CDC14A: variants seen among roughly 807,000 people sequenced by gnomAD.
CDC14A encodes the protein cell division cycle 14A, also known as dual specificity protein phosphatase CDC14A.
Under a neutral mutation model 74.4 loss-of-function variants are expected in CDC14A, and 53 were observed. That is an observed-to-expected ratio of 0.71 (90% CI 0.57 to 0.89). CDC14A has a LOEUF of 0.89. Among genes scored for constraint, CDC14A ranks in the 40% least tolerant of loss-of-function variants. CDC14A has a pLI of 0.00. For missense variants in CDC14A, 646 were observed against 713.7 expected (o/e 0.91, Z 1.08); for synonymous variants, 247 against 258.4 (o/e 0.96, Z 0.43).
At position 100,352,714 on chromosome 1, in the gene CDC14A, C is replaced by T. The variant is rs1171945574; in HGVS notation, c.-241C>T. The T allele has an allele frequency of 4.4e-6, 6 of 1,373,998 alleles. No individual in the cohort carries two copies. The highest frequency in any genetic ancestry group is 1.5e-5 in the African/African-American group (1 of 65,466). 85.1% of individuals were successfully genotyped at this position (1,373,998 alleles called of 1,614,324 possible). On this transcript the variant is annotated 5_prime_UTR_variant, in exon 1 of 16. Transcript: ENST00000336454. ...GCAGCCGAGTCCAAATAGGAGCGGC[C>T]ACAGCCAGGGGCGTGAGCGCCCCGC...
chr1:100,420,783 C>T (rs1427023669), intron 4 of CDC14A, among the ~76,000 whole-genome samples: 2 of 152,052 alleles, frequency 1.3e-5, no homozygotes, highest in Non-Finnish European at 2.9e-5. Flanking sequence ...TACTGGTAAA[C>T]AATATAAATT....
chr1:100,363,907 C>T (rs773795473), intron 2 of CDC14A, among the ~76,000 whole-genome samples: 7 of 152,156 alleles, frequency 4.6e-5, no homozygotes, highest in Admixed American at 6.5e-5. Context: ...TCTAATTCCA[C>T]GCTTTGGGAG....
intron 15 of CDC14A, among the ~76,000 whole-genome samples, chr1:100,499,863 G>A (rs1261962125): frequency 6.6e-6 from 1 of 152,164 alleles, no homozygotes; most frequent in Admixed American, 6.5e-5. Context: ...GGGCTTATAG[G>A]TAGGTACCTG....
chr1:100,396,700 TGAA>T (rs1658548909), intron 4 of CDC14A, among the ~76,000 whole-genome samples: 1 of 152,234 alleles, frequency 6.6e-6, no homozygotes, highest in Non-Finnish European at 1.5e-5. Context: ...ATACGTAACA[TGAA>T]ACTTGCTGTC....
chr1:100,493,861 A>G (rs1002379324), intron 11 of CDC14A, among the ~76,000 whole-genome samples: 1 of 152,214 alleles, frequency 6.6e-6, no homozygotes, highest in African/African-American at 2.4e-5. Flanking sequence ...TTGCGATGAG[A>G]AATGACTCAA....
Position 100,412,054 on chromosome 1 carries a change from C to T in CDC14A, c.310-12168C>T, listed in dbSNP as rs918010242. 2.0e-5 allele frequency among the ~76,000 whole-genome samples: 3 copies of T among 152,092 alleles called. No individual in the cohort carries two copies. In the East Asian group the frequency reaches 5.8e-4, roughly 29 times the overall value. On this transcript the variant is annotated intron_variant, in intron 4 of 15. Coordinates refer to ENST00000336454, the MANE Select transcript of CDC14A (RefSeq NM_003672.4). ...GTGGCTAAAAAGGCTATAATGCAGG[C>T]GATGAGGCCAAAGTCTCTGCTAGGG...
chr1:100,502,225 C>T (rs906987841), intron 15 of CDC14A, among the ~76,000 whole-genome samples: 1 of 152,170 alleles, frequency 6.6e-6, no homozygotes, highest in Non-Finnish European at 1.5e-5. Flanking sequence ...TGTTCACTCA[C>T]CACTCACCCA....
chr1:100,458,239 A>G (rs1356582745), intron 8 of CDC14A, among the ~76,000 whole-genome samples: 1 of 152,160 alleles, frequency 6.6e-6, no homozygotes. Flanking sequence ...GGATTCAAAC[A>G]TTGGTCTGTT....
chr1:100,428,420 C>T (rs1663209964), intron 5 of CDC14A, among the ~76,000 whole-genome samples: 1 of 152,164 alleles, frequency 6.6e-6, no homozygotes, highest in Non-Finnish European at 1.5e-5. Context: ...TTCTTTGAGT[C>T]ATCCATTTTC....
chr1:100,353,992 T>C, intron 2 of CDC14A, 140 bp downstream of exon 2: 1 of 644,894 alleles, frequency 1.6e-6, no homozygotes, highest in Non-Finnish European at 2.8e-6. Flanking sequence ...AAGACTCAGG[T>C]GCCTGGGGAG....
At chr1:100,506,745 C>A (rs549378512) in intron 15 of CDC14A, among the ~76,000 whole-genome samples, 1 of 152,140 alleles carries the variant, frequency 6.6e-6, no homozygotes, top group African/African-American at 2.4e-5. Flanking sequence ...TTATGAATCA[C>A]CCTGGTTGTT....
At chr1:100,357,974 C>T (rs533330091) in intron 2 of CDC14A, among the ~76,000 whole-genome samples, 1 of 152,184 alleles carries the variant, frequency 6.6e-6, no homozygotes, top group South Asian at 2.1e-4. Flanking sequence ...GAGGTGGCCT[C>T]ATGAGGTAAG....
In CDC14A at chr1:100,420,063, C is replaced by CACATATATATATAT; in HGVS notation, c.310-4158_310-4157insCATATATATATATA. Among the ~76,000 whole-genome samples the CACATATATATATAT allele has an allele frequency of 2.2e-3, 136 of 61,580 alleles. 2 individuals are homozygous for CACATATATATATAT. In the South Asian group the frequency reaches 0.025, roughly 11 times the overall value. 40.4% of individuals were successfully genotyped at this position (61,580 alleles called of 152,430 possible). On this transcript the variant is annotated intron_variant, in intron 4 of 15. Coordinates refer to ENST00000336454, the MANE Select transcript of CDC14A (RefSeq NM_003672.4). ...ACACACACACACACACACACACACA[C>CACATATATATATAT]ATATATATATATATATATAGTGTGT...
chr1:100,495,904 AATATTTTTACT>A, intron 12 of CDC14A, 87 bp from the exon 13 acceptor site: 5 of 986,624 alleles, frequency 5.1e-6, no homozygotes, highest in Non-Finnish European at 8.0e-6. Flanking sequence ...TTGCTAATTT[AATATTTTTACT>A]GGTTTGATAC....
intron 2 of CDC14A, among the ~76,000 whole-genome samples, chr1:100,359,156 A>G (rs1026238746): frequency 7.2e-5 from 11 of 152,138 alleles, no homozygotes; most frequent in Admixed American, 1.3e-4. Flanking sequence ...AGCAACAACA[A>G]CAGCAGCAGC....
At chr1:100,486,421 C>T (rs932939990) in intron 11 of CDC14A, among the ~76,000 whole-genome samples, 8 of 152,134 alleles carry the variant, frequency 5.3e-5, no homozygotes, top group East Asian at 1.9e-4. Flanking sequence ...TCTACTCCCC[C>T]GTCTTAGTCC....
intron 3 of CDC14A, among the ~76,000 whole-genome samples, chr1:100,388,811 A>G (rs2100981950): frequency 1.3e-5 from 2 of 152,204 alleles, no homozygotes; most frequent in Middle Eastern, 6.8e-3. Flanking sequence ...TTGGCCTCTC[A>G]AAGTGTTGGA....
rs976351678 is a variant in CDC14A at position 100,352,550 on chromosome 1, C to T, written c.-405C>T. 9.6e-6 allele frequency: 10 copies of T among 1,041,214 alleles called. No individual in the cohort carries two copies. In the South Asian group the frequency reaches 1.3e-4, roughly 14 times the overall value. The allele number at this position is 1,041,214 out of a possible 1,614,324, so 64.5% of individuals were successfully genotyped here. Reference sequence around the variant, plus strand: ...CGGGCACTGAAGTCCTCCCGGCTGCCGCTCGAGTAGCCACGGGCGCGATCG... The same window carrying T: ...CGGGCACTGAAGTCCTCCCGGCTGCTGCTCGAGTAGCCACGGGCGCGATCG... On this transcript the variant is annotated 5_prime_UTR_variant, in exon 1 of 16. Coordinates refer to ENST00000336454, the MANE Select transcript of CDC14A (RefSeq NM_003672.4).
At chr1:100,475,286 T>G (rs946777337) in intron 10 of CDC14A, among the ~76,000 whole-genome samples, 3 of 152,248 alleles carry the variant, frequency 2.0e-5, no homozygotes, top group African/African-American at 7.2e-5. Flanking sequence ...TGAAACTTCC[T>G]ATTTTGTCAG....
Sources: allele counts gnomAD v4.1 joint callset (sites outside exome capture counted in the v4.1 genomes callset), GRCh38; gene constraint gnomAD v4.1.1; transcripts MANE v1.5; gene names NCBI Gene and HGNC (gene_info 2026-07-23, HGNC 2026-07-21).